TBCE: variants seen among roughly 807,000 people sequenced by gnomAD.
The protein encoded by TBCE is tubulin folding cofactor E.
A neutral mutation model predicts 77.0 loss-of-function variants in TBCE; 53 were observed. The observed-to-expected ratio is 0.69, with a 90% CI of 0.55 to 0.87. TBCE has a LOEUF of 0.87. Among genes scored for constraint, TBCE ranks in the 40% least tolerant of loss-of-function variants. The pLI is 0.00. For missense variants in TBCE, 624 were observed against 622.4 expected, an observed-to-expected ratio of 1.00 and a Z score of -0.03; for synonymous variants, 235 against 241.3, an observed-to-expected ratio of 0.97 and a Z score of 0.24.
chr1:235,387,972 A>G (rs1486453856), intron 2 of TBCE, among the ~76,000 whole-genome samples: 1 of 152,196 alleles, frequency 6.6e-6, no homozygotes, highest in Non-Finnish European at 1.5e-5. Flanking sequence ...AACAAGATAC[A>G]TGTGGACTCT....
intron 2 of TBCE, among the ~76,000 whole-genome samples, chr1:235,398,805 G>A (rs990215178): frequency 1.4e-5 from 2 of 146,664 alleles, no homozygotes; most frequent in Non-Finnish European, 3.0e-5. Context: ...CGCTTGAGCC[G>A]GGCTTATTTT....
At position 235,434,282 on chromosome 1, in the gene TBCE, T is replaced by C. The variant is rs759196264; in HGVS notation, c.737+2T>C. On this transcript the variant is annotated splice_donor_variant, in intron 8 of 16. Coordinates refer to ENST00000642610, the MANE Select transcript of TBCE (RefSeq NM_003193.5). LOFTEE classifies it high-confidence loss of function. Reference sequence around the variant, plus strand: ...TAACAACATTTTCATTTCCGAAAGGTAACTAGCACTTACTTAAATGCATCT... The same window carrying C: ...TAACAACATTTTCATTTCCGAAAGGCAACTAGCACTTACTTAAATGCATCT... 6.2e-7 allele frequency: 1 copy of C among 1,613,084 alleles called. No homozygotes were observed. Among genetic ancestry groups the C allele is most frequent in the Non-Finnish European group, 8.5e-7 (1 of 1,179,070 alleles).
intron 5 of TBCE, chr1:235,423,797 A>T (rs76277019): frequency 6.6e-6 from 1 of 152,412 alleles, no homozygotes; most frequent in South Asian, 2.1e-4. Context: ...CATATTACCG[A>T]TTGAAATGCA....
intron 5 of TBCE, among the ~76,000 whole-genome samples, chr1:235,421,888 A>G (rs1178054332): frequency 1.3e-5 from 2 of 152,158 alleles, no homozygotes; most frequent in Admixed American, 6.5e-5. Flanking sequence ...CTTTGGCAAA[A>G]TGCCCCGACA....
chr1:235,398,361 G>A (rs769788468), intron 2 of TBCE, among the ~76,000 whole-genome samples: 2 of 151,824 alleles, frequency 1.3e-5, no homozygotes, highest in Non-Finnish European at 2.9e-5. Context: ...GGTCAGGCTG[G>A]TCTCAAATTC....
At position 235,380,156 on chromosome 1, in the gene TBCE, AATT is replaced by A. The variant is rs748446964; in HGVS notation, c.100+11_100+13del. ...GTTGTCCCTCCCGTGGCAGGTAAGC[AATT>A]ATTGTGTGTGTGTGTGTGTGTGTGT... On this transcript the variant is annotated splice_region_variant and intron_variant, in intron 2 of 16. Coordinates refer to ENST00000642610, the MANE Select transcript of TBCE (RefSeq NM_003193.5). 21 of 1,536,692 alleles carry A rather than the reference AATT, an allele frequency of 1.4e-5. No individual in the cohort carries two copies. The highest frequency in any genetic ancestry group is 1.7e-5 in the Admixed American group (1 of 58,082).
intron 2 of TBCE, among the ~76,000 whole-genome samples, chr1:235,389,118 A>G (rs1044674590): frequency 7.9e-5 from 12 of 152,248 alleles, no homozygotes; most frequent in African/African-American, 2.7e-4. Flanking sequence ...TCTTGAAGAC[A>G]GGGTGGCATA....
intron 15 of TBCE, among the ~76,000 whole-genome samples, chr1:235,446,700 T>C (rs567514413): frequency 6.6e-6 from 1 of 151,776 alleles, no homozygotes; most frequent in African/African-American, 2.4e-5. Flanking sequence ...GGCAGGTTTT[T>C]TTTTTTTTTT....
At chr1:235,408,646 C>A (rs1042482506) in intron 3 of TBCE, among the ~76,000 whole-genome samples, 12 of 152,252 alleles carry the variant, frequency 7.9e-5, no homozygotes, top group African/African-American at 2.9e-4. Context: ...AGGTGCTTAT[C>A]TACTGTACTG....
Position 235,436,455 on chromosome 1 carries a change from A to G in TBCE, c.898+5A>G, listed in dbSNP as rs182294717. On this transcript the variant is annotated splice_donor_5th_base_variant and intron_variant, in intron 10 of 16. Transcript: ENST00000642610. The stretch of plus-strand genomic sequence containing the variant: ...ATTTTCCGGATGCTGGAATTGGTAT[A>G]TAAGATTAGTAAAGTTCCCCACTGC... The G allele has an allele frequency of 6.2e-6, 10 of 1,613,638 alleles. No homozygotes were observed. In the African/African-American group the frequency reaches 9.3e-5, roughly 15 times the overall value.
intron 8 of TBCE, among the ~76,000 whole-genome samples, chr1:235,435,326 C>G (rs1223213214): frequency 6.6e-6 from 1 of 152,176 alleles, no homozygotes; most frequent in African/African-American, 2.4e-5. Context: ...GTCTTGAACT[C>G]CTGACCTCAG....
chr1:235,368,137 C>T (rs1000713032), intron 1 of TBCE, among the ~76,000 whole-genome samples: 3 of 152,222 alleles, frequency 2.0e-5, no homozygotes, highest in South Asian at 2.1e-4. Flanking sequence ...AACTCCTGAT[C>T]TCAGATGATC....
At chr1:235,435,960 T>C in intron 9 of TBCE, 120 bp downstream of exon 9, 1 of 943,884 alleles carries the variant, frequency 1.1e-6, no homozygotes, top group Non-Finnish European at 1.7e-6. Flanking sequence ...ATTTCTAAAT[T>C]GAGTAATTCC....
intron 2 of TBCE, 128 bp from the exon 3 acceptor site, chr1:235,401,375 C>T: frequency 1.3e-6 from 1 of 768,954 alleles, no homozygotes; most frequent in African/African-American, 1.7e-5. Context: ...CTAACTTGTC[C>T]ATTCCCTCCT....
At chr1:235,442,230 G>A (rs1681937886) in intron 14 of TBCE, among the ~76,000 whole-genome samples, 1 of 152,120 alleles carries the variant, frequency 6.6e-6, no homozygotes, top group African/African-American at 2.4e-5. Flanking sequence ...GAGTGCAGTG[G>A]CACGATCTTG....
intron 3 of TBCE, among the ~76,000 whole-genome samples, chr1:235,405,478 A>G (rs1679368810): frequency 6.6e-6 from 1 of 151,814 alleles, no homozygotes; most frequent in African/African-American, 2.4e-5. Context: ...TCTACTAAAA[A>G]CAGAAAAATT....
intron 4 of TBCE, among the ~76,000 whole-genome samples, chr1:235,416,753 G>A (rs1301024761): frequency 6.6e-6 from 1 of 152,120 alleles, no homozygotes; most frequent in African/African-American, 2.4e-5. Context: ...TTTCTTGATT[G>A]AAAAGGTAAA....
chr1:235,449,460 G>A lies in TBCE; in HGVS notation c.*698G>A, dbSNP rs967971108. On this transcript the variant is annotated 3_prime_UTR_variant, in exon 17 of 17. Coordinates refer to ENST00000642610, the MANE Select transcript of TBCE (RefSeq NM_003193.5). ...TCCCGATGGCACTAAAACCCTGAGA[G>A]GTATTTGCTTTTATTCATACTCACA... 1 of 152,874 alleles carries A rather than the reference G, an allele frequency of 6.5e-6. No individual in the cohort carries two copies. The highest frequency in any genetic ancestry group is 2.4e-5 in the African/African-American group (1 of 41,418). 9.5% of individuals were successfully genotyped at this position (152,874 alleles called of 1,614,324 possible).
intron 3 of TBCE, among the ~76,000 whole-genome samples, chr1:235,410,177 G>T (rs1679702838): frequency 6.7e-6 from 1 of 150,132 alleles, no homozygotes; most frequent in Non-Finnish European, 1.5e-5. Context: ...AACCAGGGAG[G>T]CTGAGGTTGC....
Sources: allele counts gnomAD v4.1 joint callset (sites outside exome capture counted in the v4.1 genomes callset), GRCh38; gene constraint gnomAD v4.1.1; transcripts MANE v1.5; gene names NCBI Gene and HGNC (gene_info 2026-07-23, HGNC 2026-07-21).